DSCAM: variants seen among roughly 807,000 people sequenced by gnomAD.
DSCAM encodes the protein DS cell adhesion molecule.
DSCAM carries 47 observed loss-of-function variants against 217.7 expected under a neutral mutation model. That is an observed-to-expected ratio of 0.22 (90% CI 0.17 to 0.28). The LOEUF is 0.28. Among genes scored for constraint, DSCAM ranks in the 10% least tolerant of loss-of-function variants. The probability of loss-of-function intolerance (pLI) is 1.00; values close to 1 mark genes in which losing one functional copy is unlikely to be tolerated. For synonymous variants in DSCAM, 1,056 were observed against 1,015.3 expected (o/e 1.04, Z -0.76); for missense variants, 2,080 against 2,618.3 (o/e 0.79, Z 4.49).
intron 11 of DSCAM, among the ~76,000 whole-genome samples, chr21:40,233,597 C>T (rs2091401014): frequency 6.6e-6 from 1 of 152,106 alleles, no homozygotes; most frequent in Admixed American, 6.6e-5. Flanking sequence ...CCTTTCTGTC[C>T]TTCTCCTCCA....
rs1448307621 is a variant in DSCAM at position 40,102,589 on chromosome 21, T to TTG, written c.3697-8717_3697-8716dup. On this transcript the variant is annotated intron_variant, in intron 20 of 32. Coordinates refer to ENST00000400454, the MANE Select transcript of DSCAM (RefSeq NM_001389.5). Reference sequence around the variant, plus strand: ...TAGACCTGCCTTCATTCCACAATTATTGTTGCCTTGTGGTGTTGATATAAT... The same window carrying TTG: ...TAGACCTGCCTTCATTCCACAATTATTGTGTTGCCTTGTGGTGTTGATATAAT... 2.0e-5 allele frequency among the ~76,000 whole-genome samples: 3 copies of TTG among 152,210 alleles called. 1 individual carries two copies. The highest frequency in any genetic ancestry group is 7.2e-5 in the African/African-American group (3 of 41,450).
At position 40,160,639 on chromosome 21, in the gene DSCAM, GA is replaced by G. The variant is rs145471349; in HGVS notation, c.3018+6578del. Among the ~76,000 whole-genome samples, 834 of 152,268 alleles carry G rather than the reference GA, an allele frequency of 5.5e-3. 11 individuals carry two copies. The highest frequency in any genetic ancestry group is 0.019 in the African/African-American group (796 of 41,542). On this transcript the variant is annotated intron_variant, in intron 16 of 32. Coordinates refer to ENST00000400454, the MANE Select transcript of DSCAM (RefSeq NM_001389.5). ...TAAAAATGTAATGTTGATGCACTAA[GA>G]AAACACCTAAGGATGAGCGTCAATA...
At chr21:40,715,503 C>T (rs1568999188) in intron 1 of DSCAM, among the ~76,000 whole-genome samples, 1 of 152,156 alleles carries the variant, frequency 6.6e-6, no homozygotes, top group East Asian at 1.9e-4. Context: ...AGAAGAGAGG[C>T]AGGGGTGTTC....
chr21:40,397,069 C>T (rs1260340572), intron 3 of DSCAM, among the ~76,000 whole-genome samples: 4 of 152,144 alleles, frequency 2.6e-5, no homozygotes, highest in Non-Finnish European at 4.4e-5. Flanking sequence ...GGTTACATTG[C>T]TTTCATCCTA....
At chr21:40,432,242 C>A (rs6517592) in intron 3 of DSCAM, among the ~76,000 whole-genome samples, 70,939 of 151,062 alleles carry the variant, frequency 0.47, 17,044 homozygotes, top group Admixed American at 0.6. Context: ...AAATAAATAT[C>A]TTCTTCTTCT....
intron 30 of DSCAM, among the ~76,000 whole-genome samples, chr21:40,045,311 T>C (rs2088826504): frequency 6.6e-6 from 1 of 152,216 alleles, no homozygotes; most frequent in African/African-American, 2.4e-5. Flanking sequence ...CCAACTCTCC[T>C]TAAGGCCTTG....
intron 3 of DSCAM, among the ~76,000 whole-genome samples, chr21:40,646,465 C>A (rs1266414531): frequency 2.6e-5 from 4 of 151,246 alleles, no homozygotes; most frequent in East Asian, 1.9e-4. Flanking sequence ...GCACTGATTT[C>A]TTGTTAGCAA....
chr21:40,429,310 A>T (rs891514234), intron 3 of DSCAM, among the ~76,000 whole-genome samples: 1 of 151,260 alleles, frequency 6.6e-6, no homozygotes, highest in Non-Finnish European at 1.5e-5. Flanking sequence ...CTTGTTGCCC[A>T]GGCTGGAGTA....
At chr21:40,020,092 G>A (rs2088235111) in intron 32 of DSCAM, among the ~76,000 whole-genome samples, 1 of 152,144 alleles carries the variant, frequency 6.6e-6, no homozygotes, top group Non-Finnish European at 1.5e-5. Context: ...GGGACCCAGT[G>A]GGAAGTAATT....
chr21:40,687,296 T>C (rs537861290), intron 3 of DSCAM, among the ~76,000 whole-genome samples: 1 of 152,212 alleles, frequency 6.6e-6, no homozygotes. Context: ...CAGGTGACTC[T>C]AGGTTTTTTT....
intron 10 of DSCAM, among the ~76,000 whole-genome samples, chr21:40,288,659 T>G (rs1421769066): frequency 3.3e-5 from 5 of 152,198 alleles, no homozygotes; most frequent in Non-Finnish European, 7.3e-5. Flanking sequence ...ATGAAAAAGT[T>G]TGGGCTCTTC....
At chr21:40,549,271 T>C (rs1434107145) in intron 3 of DSCAM, among the ~76,000 whole-genome samples, 1 of 152,148 alleles carries the variant, frequency 6.6e-6, no homozygotes, top group Non-Finnish European at 1.5e-5. Flanking sequence ...TACATTTAAT[T>C]TGTAACATAA....
chr21:40,516,619 A>T (rs1000561463), intron 3 of DSCAM, among the ~76,000 whole-genome samples: 1 of 152,126 alleles, frequency 6.6e-6, no homozygotes, highest in Non-Finnish European at 1.5e-5. Context: ...CAGAATGTGA[A>T]TTGACGTTGC....
intron 27 of DSCAM, among the ~76,000 whole-genome samples, chr21:40,070,086 A>T (rs1457192656): frequency 6.6e-6 from 1 of 152,066 alleles, no homozygotes; most frequent in Non-Finnish European, 1.5e-5. Context: ...TCCCGCTGTC[A>T]GATGCAGAGA....
chr21:40,579,798 A>G (rs746925095), intron 3 of DSCAM, among the ~76,000 whole-genome samples: 11 of 151,612 alleles, frequency 7.3e-5, no homozygotes, highest in Admixed American at 1.3e-4. Context: ...ATATAAGAAT[A>G]AAAGAATGTA....
rs149705888 is a variant in DSCAM, at chr21:40,760,662, G to C, written c.44-51891C>G. 7.5e-3 allele frequency among the ~76,000 whole-genome samples: 1,148 copies of C among 152,354 alleles called. 16 individuals are homozygous for C. The highest frequency in any genetic ancestry group is 0.026 in the African/African-American group (1,095 of 41,576). On this transcript the variant is annotated intron_variant, in intron 1 of 32. Coordinates refer to ENST00000400454, the MANE Select transcript of DSCAM (RefSeq NM_001389.5). The stretch of plus-strand genomic sequence containing the variant: ...GCTGTGGCATTTTGCCACCCAGGTA[G>C]AGGAACCTTGCTTTCCTGCAAATCT...
intron 32 of DSCAM, among the ~76,000 whole-genome samples, chr21:40,032,713 G>C (rs1302529793): frequency 1.3e-5 from 2 of 152,096 alleles, no homozygotes; most frequent in Admixed American, 1.3e-4. Context: ...TGACACTATA[G>C]TGTTGTTGCA....
intron 8 of DSCAM, among the ~76,000 whole-genome samples, chr21:40,316,412 T>C (rs1569059494): frequency 6.6e-6 from 1 of 152,228 alleles, no homozygotes; most frequent in Non-Finnish European, 1.5e-5. Flanking sequence ...GCATAAAATT[T>C]TTAAAGCGTC....
chr21:40,477,301 C>T (rs2075945359), intron 3 of DSCAM, among the ~76,000 whole-genome samples: 1 of 151,580 alleles, frequency 6.6e-6, no homozygotes, highest in Admixed American at 6.6e-5. Flanking sequence ...AAGATAAGAA[C>T]CAGAAGAAAA....
Sources: gnomAD v4.1 joint callset for allele counts (sites outside exome capture counted in the v4.1 genomes callset) on GRCh38, gnomAD v4.1.1 for gene constraint, MANE v1.5 for transcripts, NCBI Gene and HGNC (gene_info 2026-07-23, HGNC 2026-07-21) for gene names.